The following RABGAP1L variants were observed in gnomAD, a reference collection of about 807,000 sequenced individuals.
The protein encoded by RABGAP1L is RAB GTPase activating protein 1 like, also known as rab GTPase-activating protein 1-like.
In RABGAP1L, 63 loss-of-function variants were observed where a neutral mutation model predicts 137.7. That is an observed-to-expected ratio of 0.46 (90% CI 0.37 to 0.56). The LOEUF is 0.56. RABGAP1L is among the 20% of genes least tolerant of loss of function. The pLI, the probability that RABGAP1L is intolerant of heterozygous loss-of-function variation, is 0.00. For synonymous variants in RABGAP1L, 431 were observed against 433.7 expected, an observed-to-expected ratio of 0.99 and a Z score of 0.08; for missense variants, 1,095 against 1,244.0, an observed-to-expected ratio of 0.88 and a Z score of 1.80.
chr1:174,986,076 T>C (rs1254356174), intron 24 of RABGAP1L, among the ~76,000 whole-genome samples: 6 of 152,082 alleles, frequency 3.9e-5, no homozygotes, highest in Non-Finnish European at 2.9e-5. Flanking sequence ...GTACATGGGA[T>C]TACAGTCACG....
intron 13 of RABGAP1L, among the ~76,000 whole-genome samples, chr1:174,460,041 A>G (rs1380739176): frequency 1.3e-5 from 2 of 152,092 alleles, no homozygotes; most frequent in African/African-American, 4.8e-5. Flanking sequence ...AAAAGACCTC[A>G]GGGATTTCTT....
intron 11 of RABGAP1L, among the ~76,000 whole-genome samples, chr1:174,360,301 C>T (rs1684022190): frequency 6.6e-6 from 1 of 151,826 alleles, no homozygotes; most frequent in South Asian, 2.1e-4. Context: ...TAGAATATTT[C>T]AGAAATATAA....
chr1:174,350,897 C>A (rs1198514051), intron 11 of RABGAP1L, among the ~76,000 whole-genome samples: 1 of 106,632 alleles, frequency 9.4e-6, no homozygotes, highest in Non-Finnish European at 2.0e-5. Context: ...GAGACCGGCC[C>A]GGCCAACACA....
At chr1:174,553,255 G>A (rs948698391) in intron 13 of RABGAP1L, among the ~76,000 whole-genome samples, 1 of 152,028 alleles carries the variant, frequency 6.6e-6, no homozygotes, top group Non-Finnish European at 1.5e-5. Context: ...GTTGATTTTT[G>A]CTTTTCTTGC....
intron 6 of RABGAP1L, among the ~76,000 whole-genome samples, chr1:174,251,644 GA>G (rs1371781716): frequency 1.3e-5 from 2 of 152,168 alleles, no homozygotes; most frequent in Non-Finnish European, 2.9e-5. Flanking sequence ...GCCTAGGCTA[GA>G]ATTTGATTAA....
At chr1:174,653,616 A>G (rs1351368214) in intron 14 of RABGAP1L, among the ~76,000 whole-genome samples, 1 of 152,178 alleles carries the variant, frequency 6.6e-6, no homozygotes, top group African/African-American at 2.4e-5. Flanking sequence ...ACCAGTCTCA[A>G]TGAGATGAGC....
At chr1:174,725,603 T>C (rs901293875) in intron 17 of RABGAP1L, among the ~76,000 whole-genome samples, 9 of 152,218 alleles carry the variant, frequency 5.9e-5, no homozygotes, top group Non-Finnish European at 1.3e-4. Flanking sequence ...CTTCTATAAC[T>C]TTCTTGTCTT....
chr1:174,976,856 C>A (rs753380198), intron 22 of RABGAP1L, among the ~76,000 whole-genome samples: 1 of 152,208 alleles, frequency 6.6e-6, no homozygotes, highest in African/African-American at 2.4e-5. Context: ...TGGAGCTTTC[C>A]GCTTCCCCAA....
chr1:174,163,989 T>G (rs1258504082), intron 1 of RABGAP1L, among the ~76,000 whole-genome samples: 2 of 152,174 alleles, frequency 1.3e-5, no homozygotes, highest in East Asian at 3.8e-4. Flanking sequence ...CATTTACTTT[T>G]TACTGCTCTA....
At chr1:174,571,526 C>A (rs1316376894) in intron 13 of RABGAP1L, among the ~76,000 whole-genome samples, 1 of 151,906 alleles carries the variant, frequency 6.6e-6, no homozygotes, top group Non-Finnish European at 1.5e-5. Flanking sequence ...CAAAACATCT[C>A]AATTACCCCA....
intron 11 of RABGAP1L, among the ~76,000 whole-genome samples, chr1:174,328,231 A>G (rs1398176791): frequency 1.3e-5 from 2 of 151,882 alleles, no homozygotes; most frequent in Non-Finnish European, 2.9e-5. Flanking sequence ...TCTGTCCAAC[A>G]GCTTCAGAAT....
intron 18 of RABGAP1L, among the ~76,000 whole-genome samples, chr1:174,765,818 TTTC>T (rs1412369910): frequency 2.6e-5 from 4 of 152,190 alleles, no homozygotes; most frequent in Non-Finnish European, 4.4e-5. Flanking sequence ...GTCACGAAAA[TTTC>T]TTCTTCTAAG....
chr1:174,477,525 A>G (rs1658626014), intron 13 of RABGAP1L, among the ~76,000 whole-genome samples: 1 of 152,202 alleles, frequency 6.6e-6, no homozygotes, highest in African/African-American at 2.4e-5. Flanking sequence ...GATGATGGCT[A>G]TTTCACATAA....
chr1:174,305,094 C>A lies in RABGAP1L; in HGVS notation c.1432C>A (p.Pro478Thr). 2 of 1,547,422 alleles carry A rather than the reference C, an allele frequency of 1.3e-6. No homozygotes were observed. The highest frequency in any genetic ancestry group is 1.7e-6 in the Non-Finnish European group (2 of 1,155,366). ...AGTCACTCCTACTAGTGGAGGGGGT[C>A]CAATGTCACCCCAGGATGATGAAGC... ...EPVTPTSGGGPMSPQDDEAEE... is the reference protein window; with the variant it reads ...EPVTPTSGGGTMSPQDDEAEE... The change falls in exon 11 of 26, where the codon CCA (proline) becomes ACA (threonine). Residue 478 changes from proline to threonine, a missense_variant. Coordinates refer to ENST00000681986, the MANE Select transcript of RABGAP1L (RefSeq NM_001366446.1).
At position 174,966,059 on chromosome 1, in the gene RABGAP1L, C is replaced by T. The variant is rs539255789; in HGVS notation, c.2434-3218C>T. Among the ~76,000 whole-genome samples, 7 of 152,280 alleles carry T rather than the reference C, an allele frequency of 4.6e-5. No homozygotes were observed. The East Asian group carries it at 7.7e-4, about 17-fold the overall frequency. ...TCTCTAATCAACAGTGAAGTAGCTA[C>T]CTGGTATGATTTCTAAATACTTGAA... On this transcript the variant is annotated intron_variant, in intron 20 of 25. Coordinates refer to ENST00000681986, the MANE Select transcript of RABGAP1L (RefSeq NM_001366446.1).
intron 13 of RABGAP1L, among the ~76,000 whole-genome samples, chr1:174,629,926 C>G (rs950869283): frequency 2.0e-5 from 3 of 152,154 alleles, no homozygotes; most frequent in African/African-American, 7.2e-5. Context: ...AAAAATTACT[C>G]AGTATTGAAT....
chr1:174,600,984 G>A (rs956568882), intron 13 of RABGAP1L, among the ~76,000 whole-genome samples: 2 of 152,184 alleles, frequency 1.3e-5, no homozygotes, highest in Non-Finnish European at 2.9e-5. Context: ...TTTTGTCTGG[G>A]CATCCAGGCA....
intron 13 of RABGAP1L, among the ~76,000 whole-genome samples, chr1:174,429,907 G>A (rs1409884602): frequency 2.0e-5 from 3 of 152,090 alleles, no homozygotes; most frequent in Non-Finnish European, 4.4e-5. Context: ...GGGGAAATGT[G>A]TCATGTTAGC....
chr1:174,712,802 C>G (rs1346500326), intron 17 of RABGAP1L, among the ~76,000 whole-genome samples: 3 of 152,142 alleles, frequency 2.0e-5, no homozygotes, highest in Non-Finnish European at 4.4e-5. Flanking sequence ...TCCAACCTCC[C>G]CAGCCAAACT....
Sources: allele counts gnomAD v4.1 joint callset (sites outside exome capture counted in the v4.1 genomes callset), GRCh38; gene constraint gnomAD v4.1.1; transcripts MANE v1.5; gene names NCBI Gene and HGNC (gene_info 2026-07-23, HGNC 2026-07-21).